PPP4R3B: variants seen among roughly 807,000 people sequenced by gnomAD.
PPP4R3B encodes serine/threonine-protein phosphatase 4 regulatory subunit 3B.
A neutral mutation model predicts 95.4 loss-of-function variants in PPP4R3B; 52 were observed. The observed-to-expected ratio is 0.54, with a 90% CI of 0.44 to 0.69. PPP4R3B has a LOEUF of 0.69. PPP4R3B is among the 30% of genes least tolerant of loss of function. The pLI is 0.00. For synonymous variants in PPP4R3B, 407 were observed against 343.9 expected (o/e 1.18, Z -2.03); for missense variants, 1,003 against 1,005.9 (o/e 1.00, Z 0.04).
rs1388424776 is a variant in PPP4R3B, at chr2:55,584,687, A to G, written c.1233+364T>C. ...TTAAACTTTCATTCCTACTTAAAAC[A>G]TATTTTTTGAACAAATAAAAGCAAC... On this transcript the variant is annotated intron_variant, in intron 7 of 16. Coordinates refer to ENST00000616407, the MANE Select transcript of PPP4R3B (RefSeq NM_001122964.3). 3.3e-5 allele frequency among the ~76,000 whole-genome samples: 5 copies of G among 152,270 alleles called. No homozygotes were observed. The East Asian group carries it at 9.6e-4, about 29-fold the overall frequency.
At position 55,576,466 on chromosome 2, in the gene PPP4R3B, G is replaced by A. The variant is rs187565616; in HGVS notation, c.1606+849C>T. Among the ~76,000 whole-genome samples the A allele has an allele frequency of 1.6e-3, 240 of 152,138 alleles. 3 individuals are homozygous for A. The highest frequency in any genetic ancestry group is 2.1e-3 in the Non-Finnish European group (142 of 68,004). On this transcript the variant is annotated intron_variant, in intron 11 of 16. Coordinates refer to ENST00000616407, the MANE Select transcript of PPP4R3B (RefSeq NM_001122964.3). ...AGTTTAAAAAAACAAAAACAGGCCG[G>A]GCGCGGTGGCTCACGCCTGTAATCC...
At chr2:55,570,593 G>C (rs1009083288) in intron 12 of PPP4R3B, among the ~76,000 whole-genome samples, 1 of 152,158 alleles carries the variant, frequency 6.6e-6, no homozygotes, top group Middle Eastern at 3.2e-3. Flanking sequence ...CCCCTAAGTA[G>C]TTTATTCTAC....
rs865882894 is a variant in PPP4R3B at position 55,558,340 on chromosome 2, T to A, written c.2454+435A>T. Reference sequence around the variant, plus strand: ...GGAAGGATGCTTACATTTATTATCATAAGCCTAAATAAAATGAAATTCTCT... The same window carrying A: ...GGAAGGATGCTTACATTTATTATCAAAAGCCTAAATAAAATGAAATTCTCT... On this transcript the variant is annotated intron_variant, in intron 16 of 16. Transcript: ENST00000616407. 5.6e-4 allele frequency among the ~76,000 whole-genome samples: 85 copies of A among 150,830 alleles called. No homozygotes were observed. The Middle Eastern group carries it at 0.01, about 18-fold the overall frequency.
At chr2:55,585,011 C>G (rs772394607) in intron 7 of PPP4R3B, 40 bp downstream of exon 7, 2 of 1,414,872 alleles carry the variant, frequency 1.4e-6, no homozygotes, top group Non-Finnish European at 9.9e-7. Flanking sequence ...ACTACTCACT[C>G]TACAGGTAAT....
intron 7 of PPP4R3B, among the ~76,000 whole-genome samples, chr2:55,584,785 G>A (rs990610176): frequency 6.6e-6 from 1 of 152,112 alleles, no homozygotes; most frequent in Middle Eastern, 3.2e-3. Context: ...ATTAACACTT[G>A]AAATTTAAGA....
In PPP4R3B at chr2:55,547,989, G is replaced by A. The variant is rs1275589276; in HGVS notation, c.*1922C>T. ...TAAGAAGAAATTTACTAAAAGCTGA[G>A]AGATGGGTCTCGATAAAATTTGATG... On this transcript the variant is annotated 3_prime_UTR_variant, in exon 17 of 17. Transcript: ENST00000616407. The A allele has an allele frequency of 6.6e-6, 1 of 152,226 alleles. No homozygotes were observed. Among genetic ancestry groups the A allele is most frequent in the East Asian group, 1.9e-4 (1 of 5,202 alleles). The allele number at this position is 152,226 out of a possible 1,614,324, so 9.4% of individuals were successfully genotyped here. A position where few individuals can be genotyped will look rare whatever the true frequency, so the allele number is the denominator to read the frequency against.
chr2:55,570,139 A>C (rs1042991673), intron 12 of PPP4R3B, among the ~76,000 whole-genome samples: 1 of 152,062 alleles, frequency 6.6e-6, no homozygotes, highest in Non-Finnish European at 1.5e-5. Flanking sequence ...AGTCCCAGCT[A>C]CTCGGGAGGC....
intron 12 of PPP4R3B, among the ~76,000 whole-genome samples, chr2:55,571,201 T>C (rs931388461): frequency 1.3e-5 from 2 of 151,672 alleles, no homozygotes; most frequent in African/African-American, 4.9e-5. Flanking sequence ...TCCCAGCTAC[T>C]CGAAAGGCTG....
At chr2:55,596,025 A>G (rs1691729573) in intron 4 of PPP4R3B, among the ~76,000 whole-genome samples, 1 of 152,246 alleles carries the variant, frequency 6.6e-6, no homozygotes, top group South Asian at 2.1e-4. Flanking sequence ...CATGATAAAT[A>G]TAGTATAAAA....
chr2:55,556,254 ACT>A (rs1414660556), intron 16 of PPP4R3B, among the ~76,000 whole-genome samples: 2 of 152,332 alleles, frequency 1.3e-5, no homozygotes, highest in African/African-American at 4.8e-5. Flanking sequence ...TCCCAAGAAC[ACT>A]GTTTTTATCC....
intron 4 of PPP4R3B, among the ~76,000 whole-genome samples, chr2:55,595,944 A>G (rs1691710748): frequency 6.6e-6 from 1 of 152,342 alleles, no homozygotes; most frequent in South Asian, 2.1e-4. Flanking sequence ...AGCTGAGTAT[A>G]GGCTACTGTT....
At chr2:55,596,680 T>C (rs1321809429) in intron 4 of PPP4R3B, among the ~76,000 whole-genome samples, 1 of 152,136 alleles carries the variant, frequency 6.6e-6, no homozygotes, top group African/African-American at 2.4e-5. Flanking sequence ...ATAGCTGCAT[T>C]GGCCAGGTGC....
intron 2 of PPP4R3B, among the ~76,000 whole-genome samples, chr2:55,605,996 T>G (rs1048912158): frequency 1.3e-5 from 2 of 151,256 alleles, no homozygotes; most frequent in Non-Finnish European, 2.9e-5. Flanking sequence ...GAAACCCTTC[T>G]ACAAACAAAA....
At chr2:55,575,199 C>G (rs1418626065) in intron 11 of PPP4R3B, among the ~76,000 whole-genome samples, 1 of 152,114 alleles carries the variant, frequency 6.6e-6, no homozygotes, top group East Asian at 1.9e-4. Context: ...CTCGGCCTCC[C>G]AAAGTGCTGG....
chr2:55,609,016 A>G (rs1693801578), intron 2 of PPP4R3B, among the ~76,000 whole-genome samples: 1 of 152,170 alleles, frequency 6.6e-6, no homozygotes, highest in African/African-American at 2.4e-5. Flanking sequence ...ACGAAAAGAT[A>G]GTGACCAGCC....
At chr2:55,587,338 T>C (rs1343288139) in intron 5 of PPP4R3B, among the ~76,000 whole-genome samples, 2 of 152,088 alleles carry the variant, frequency 1.3e-5, no homozygotes, top group African/African-American at 4.8e-5. Flanking sequence ...AATCCCAACA[T>C]TTTGGGAGGC....
intron 2 of PPP4R3B, among the ~76,000 whole-genome samples, chr2:55,611,571 A>C (rs976706259): frequency 6.6e-6 from 1 of 152,234 alleles, no homozygotes; most frequent in Non-Finnish European, 1.5e-5. Flanking sequence ...ATCCAGTCAT[A>C]TGACATTCAG....
At chr2:55,586,384 A>C (rs565613406) in intron 6 of PPP4R3B, among the ~76,000 whole-genome samples, 4 of 152,332 alleles carry the variant, frequency 2.6e-5, no homozygotes, top group African/African-American at 9.6e-5. Context: ...AAAATATAAC[A>C]GTCTTGCAAA....
intron 2 of PPP4R3B, among the ~76,000 whole-genome samples, chr2:55,610,087 C>A (rs1018206735): frequency 1.1e-4 from 17 of 152,110 alleles, no homozygotes; most frequent in Admixed American, 6.5e-5. Context: ...CCTGGCCAGA[C>A]TCAAAAACAC....
Sources: gnomAD v4.1 joint callset for allele counts (sites outside exome capture counted in the v4.1 genomes callset) on GRCh38, gnomAD v4.1.1 for gene constraint, MANE v1.5 for transcripts, NCBI Gene and HGNC (gene_info 2026-07-23, HGNC 2026-07-21) for gene names.